Variants in MAF observed in about 807,000 individuals in gnomAD.
MAF encodes the protein MAF bZIP transcription factor.
In MAF, 10 loss-of-function variants were observed where a neutral mutation model predicts 22.0. That is an observed-to-expected ratio of 0.45 (90% CI 0.28 to 0.77). The LOEUF (loss-of-function observed/expected upper bound fraction) is 0.77. Ranked by LOEUF, MAF falls within the 30% of genes least tolerant of loss-of-function variation. The pLI is 0.12. For synonymous variants in MAF, 337 were observed against 255.8 expected (o/e 1.32, Z -3.03); for missense variants, 544 against 548.4 (o/e 0.99, Z 0.08).
the MAF span, among the ~76,000 whole-genome samples, chr16:79,432,597 G>A: frequency 3.3e-5 from 5 of 152,232 alleles, no homozygotes; most frequent in South Asian, 8.3e-4. Flanking sequence ...TGCAGATAAG[G>A]GGGGAACATT....
the MAF span, among the ~76,000 whole-genome samples, chr16:79,207,547 G>C: frequency 6.6e-6 from 1 of 152,192 alleles, no homozygotes; most frequent in African/African-American, 2.4e-5. Context: ...CTGTAAGAAA[G>C]CAATCTTAGA....
At chr16:79,580,473 A>G in the MAF span, among the ~76,000 whole-genome samples, 1 of 152,216 alleles carries the variant, frequency 6.6e-6, no homozygotes, top group African/African-American at 2.4e-5. Context: ...AAGTTCTGGA[A>G]GTTCTGATTC....
At chr16:79,540,244 G>T in the MAF span, among the ~76,000 whole-genome samples, 1 of 151,740 alleles carries the variant, frequency 6.6e-6, no homozygotes, top group Non-Finnish European at 1.5e-5. Flanking sequence ...CAACTAGATG[G>T]AACACAGCAC....
the MAF span, among the ~76,000 whole-genome samples, chr16:79,372,107 G>C: frequency 7.0e-6 from 1 of 142,170 alleles, no homozygotes; most frequent in Non-Finnish European, 1.5e-5. Context: ...TGCAATGCCA[G>C]TTTCAGGCTA....
At chr16:79,537,362 T>C in the MAF span, among the ~76,000 whole-genome samples, 1 of 152,198 alleles carries the variant, frequency 6.6e-6, no homozygotes, top group Non-Finnish European at 1.5e-5. Flanking sequence ...GTACCAGGTA[T>C]TTTGATGAGT....
the MAF span, chr16:79,211,774 G>T: frequency 3.5e-5 from 56 of 1,613,952 alleles, 1 homozygote; most frequent in Non-Finnish European, 4.7e-5. Context: ...ATCCAAGAAC[G>T]GCTTGGCAGC....
the MAF span, among the ~76,000 whole-genome samples, chr16:79,373,359 C>CT: frequency 4.7e-3 from 155 of 33,326 alleles, 60 homozygotes; most frequent in Non-Finnish European, 7.6e-3. Flanking sequence ...GGACTGGTAG[C>CT]TTTTTTTTTT....
the MAF span, among the ~76,000 whole-genome samples, chr16:79,322,348 T>C: frequency 1.1e-4 from 16 of 152,240 alleles, no homozygotes; most frequent in African/African-American, 3.4e-4. Flanking sequence ...TGAAGGTCCC[T>C]AGGAGACAAA....
At chr16:79,564,257 G>T in the MAF span, among the ~76,000 whole-genome samples, 2 of 152,130 alleles carry the variant, frequency 1.3e-5, no homozygotes, top group African/African-American at 4.8e-5. Flanking sequence ...AGTATTTCTT[G>T]GTCCTAGGAA....
the MAF span, among the ~76,000 whole-genome samples, chr16:79,557,450 T>TCAGCC: frequency 6.6e-6 from 1 of 151,872 alleles, no homozygotes; most frequent in Non-Finnish European, 1.5e-5. Context: ...CCCAATAGAG[T>TCAGCC]CAGCCCAAAT....
the MAF span, among the ~76,000 whole-genome samples, chr16:79,370,889 C>G: frequency 2.0e-5 from 3 of 152,168 alleles, no homozygotes; most frequent in Non-Finnish European, 2.9e-5. Flanking sequence ...CGAACCACAC[C>G]TTCCTGACGT....
downstream of MAF, among the ~76,000 whole-genome samples, chr16:79,591,638 A>G (rs1044215152): frequency 6.6e-5 from 10 of 152,332 alleles, no homozygotes; most frequent in African/African-American, 1.9e-4. Context: ...TACGACTCTG[A>G]TGAAAATTCA....
chr16:79,426,031 C>G, the MAF span, among the ~76,000 whole-genome samples: 4 of 152,106 alleles, frequency 2.6e-5, no homozygotes, highest in African/African-American at 9.7e-5. Flanking sequence ...ACAGTGAAAC[C>G]CTGTCTCTAC....
rs931169661 is a variant in MAF, at chr16:79,597,463, A to C, written c.1118+1322T>G. 4.9e-6 allele frequency: 5 copies of C among 1,026,842 alleles called. No homozygotes were observed. The African/African-American group carries it at 6.8e-5, about 14-fold the overall frequency. The allele number at this position is 1,026,842 out of a possible 1,614,324, so 63.6% of individuals were successfully genotyped here. On this transcript the variant is annotated intron_variant, in intron 1 of 1. Transcript: ENST00000326043. ...CGGCAATAGCACAATTTTAGTCCCC[A>C]AAGTGGGGCGTCATTCTTATTAAAA...
At chr16:79,568,034 TC>T in the MAF span, among the ~76,000 whole-genome samples, 4 of 152,198 alleles carry the variant, frequency 2.6e-5, no homozygotes, top group Non-Finnish European at 5.9e-5. Context: ...ATAAGCTGCA[TC>T]TTTAATTCAT....
At chr16:79,415,947 C>T in the MAF span, among the ~76,000 whole-genome samples, 2 of 152,090 alleles carry the variant, frequency 1.3e-5, no homozygotes, top group Non-Finnish European at 2.9e-5. Flanking sequence ...ATGTCCCTCC[C>T]TATGAAAATC....
chr16:79,546,977 TG>T, the MAF span, among the ~76,000 whole-genome samples: 2 of 152,182 alleles, frequency 1.3e-5, no homozygotes, highest in Non-Finnish European at 2.9e-5. Context: ...AGTGCAAATT[TG>T]GGGGTGATGA....
At chr16:79,233,899 G>A in the MAF span, among the ~76,000 whole-genome samples, 4 of 151,012 alleles carry the variant, frequency 2.6e-5, no homozygotes, top group East Asian at 7.8e-4. Context: ...GGCTGAGGCA[G>A]AAGAATCCCT....
At chr16:79,325,513 T>C in the MAF span, among the ~76,000 whole-genome samples, 1 of 151,988 alleles carries the variant, frequency 6.6e-6, no homozygotes, top group Admixed American at 6.6e-5. Flanking sequence ...AGGATTTGAA[T>C]GTGGATGGGC....
Sources: allele counts gnomAD v4.1 joint callset (sites outside exome capture counted in the v4.1 genomes callset), GRCh38; gene constraint gnomAD v4.1.1; transcripts MANE v1.5; gene names NCBI Gene and HGNC (gene_info 2026-07-23, HGNC 2026-07-21).